PRKDC: variants seen among roughly 807,000 people sequenced by gnomAD.
PRKDC encodes the protein DNA-dependent protein kinase catalytic subunit.
PRKDC carries 82 observed loss-of-function variants against 486.9 expected under a neutral mutation model. The ratio of observed to expected loss-of-function variants is 0.17; its 90% CI spans 0.14 to 0.20. The LOEUF (loss-of-function observed/expected upper bound fraction) is 0.20, where lower values mean the gene tolerates loss of function less well. Among genes scored for constraint, PRKDC ranks in the 10% least tolerant of loss-of-function variants. The pLI is 1.00. For missense variants in PRKDC, 4,504 were observed against 5,038.2 expected (o/e 0.89, Z 3.21); for synonymous variants, 1,895 against 1,837.0 (o/e 1.03, Z -0.81).
chr8:47,792,583 A>G (rs527839178), intron 74 of PRKDC, among the ~76,000 whole-genome samples: 1 of 152,170 alleles, frequency 6.6e-6, no homozygotes, highest in South Asian at 2.1e-4. Flanking sequence ...TTTATTGTAC[A>G]TTTAAAAATA....
intron 71 of PRKDC, 37 bp downstream of exon 71, chr8:47,800,756 C>T (rs1270096119): frequency 6.5e-7 from 1 of 1,546,658 alleles, no homozygotes; most frequent in East Asian, 2.3e-5. Context: ...TGAAGACATA[C>T]ACAGCACACT....
Position 47,934,023 on chromosome 8 carries a change from G to T in PRKDC, c.1565C>A (p.Pro522His). The change falls in exon 15 of 86, where the codon CCC becomes CAC. Residue 522 changes from proline to histidine, a missense_variant. By Grantham distance (77) the Pro-to-His change is moderately conservative. Around this residue, in one of 6 missense-constraint regions of PRKDC, gnomAD observed 1,969 missense variants for 2,068.9 expected, o/e 0.95. Transcript: ENST00000314191. ...GEVRTGKWKV[P>H]TYKDYVDLFR... ...GAGATCCACGTAGTCTTTGTATGTG[G>T]GCACCTTCCATTTGCCAGTTCTGAC... is the stretch of plus-strand genomic sequence containing the variant. 6.2e-7 allele frequency: 1 copy of T among 1,613,652 alleles called. No individual in the cohort carries two copies. Among genetic ancestry groups the T allele is most frequent in the Non-Finnish European group, 8.5e-7 (1 of 1,179,794 alleles).
At chr8:47,823,834 T>C (rs569453979) in intron 64 of PRKDC, 24 bp downstream of exon 64, 3 of 1,610,852 alleles carry the variant, frequency 1.9e-6, no homozygotes, top group Non-Finnish European at 2.5e-6. Flanking sequence ...GTAAATGTCA[T>C]ATTTTGCCAG....
chr8:47,950,625 GAAAAA>G (rs1208107553), intron 7 of PRKDC, among the ~76,000 whole-genome samples: 1 of 77,786 alleles, frequency 1.3e-5, no homozygotes, highest in African/African-American at 4.7e-5. Flanking sequence ...CAAGACTCCG[GAAAAA>G]AAAAAAAAAA....
chr8:47,823,576 C>T lies in PRKDC; in HGVS notation c.8922+282G>A, dbSNP rs192055296. Among the ~76,000 whole-genome samples the T allele has an allele frequency of 2.5e-3, 374 of 152,016 alleles. 2 individuals carry two copies. Among genetic ancestry groups the T allele is most frequent in the Non-Finnish European group, 4.6e-3 (310 of 67,982 alleles). On this transcript the variant is annotated intron_variant, in intron 64 of 85. Transcript: ENST00000314191. Reference sequence around the variant, plus strand: ...ACAGAAATGCAAGAACAGCCTAATACAATTTCTTTATAATTTTTTTTTTTA... The same window carrying T: ...ACAGAAATGCAAGAACAGCCTAATATAATTTCTTTATAATTTTTTTTTTTA...
At chr8:47,886,243 G>A (rs1373019240) in intron 35 of PRKDC, 96 bp from the exon 36 acceptor site, 1 of 1,009,630 alleles carries the variant, frequency 9.9e-7, no homozygotes, top group Non-Finnish European at 1.4e-6. Flanking sequence ...ATTGGAAAAT[G>A]ACACAGGTCT....
Position 47,948,523 on chromosome 8 carries a change from G to A in PRKDC, c.722-4494C>T, listed in dbSNP as rs1303220784. Among the ~76,000 whole-genome samples the A allele has an allele frequency of 2.7e-5, 4 of 147,562 alleles. No individual in the cohort carries two copies. The East Asian group carries it at 6.0e-4, about 22-fold the overall frequency. On this transcript the variant is annotated intron_variant, in intron 7 of 85. Coordinates refer to ENST00000314191, the MANE Select transcript of PRKDC (RefSeq NM_006904.7). The stretch of plus-strand genomic sequence containing the variant: ...CGCCCAGGCTGGAGTGCAATGGCGC[G>A]ATCTCAGCTCACTGCAACCTCCGCC...
At position 47,902,495 on chromosome 8, in the gene PRKDC, G is replaced by A. The variant is rs533745828; in HGVS notation, c.3269+74C>T. The A allele has an allele frequency of 1.3e-4, 135 of 1,037,468 alleles. 1 individual carries two copies. The South Asian group carries it at 2.7e-3, about 21-fold the overall frequency. The allele number at this position is 1,037,468 out of a possible 1,614,324, so 64.3% of individuals were successfully genotyped here. ...ACTAAATGCAGGAAATATGACACAC[G>A]GATACACAGAGTGAAACTCCAAGTC... On this transcript the variant is annotated intron_variant, in intron 27 of 85. Coordinates refer to ENST00000314191, the MANE Select transcript of PRKDC (RefSeq NM_006904.7).
chr8:47,940,562 A>G (rs774766511), intron 10 of PRKDC, among the ~76,000 whole-genome samples: 54 of 152,354 alleles, frequency 3.5e-4, no homozygotes, highest in Middle Eastern at 6.8e-3. Flanking sequence ...GAAACATTGT[A>G]TATACTGTTT....
rs2154499225 is a variant in PRKDC, at chr8:47,826,795, C to T, written c.8644G>A (p.Ala2882Thr). 3 of 1,608,640 alleles carry T rather than the reference C, an allele frequency of 1.9e-6. No homozygotes were observed. Among genetic ancestry groups the T allele is most frequent in the Non-Finnish European group, 2.5e-6 (3 of 1,177,698 alleles). ...ATGCCCACGGGCTGCTGTAGGCTGG[C>T]CAGGCAACCAGCGCTAACAGCCGCT... ...DPAAVSAGCL[A>T]SLQQPVGIRL... Residue 2882 changes from alanine to threonine, a missense_variant, in exon 63 of 86, where the codon GCC becomes ACC. Physicochemically the swap from Ala to Thr is moderately conservative, Grantham distance 58 (BLOSUM62 0). Around this residue, in one of 6 missense-constraint regions of PRKDC, gnomAD observed 1,592 missense variants for 1,724.6 expected, o/e 0.92. Transcript: ENST00000314191.
intron 58 of PRKDC, 49 bp from the exon 59 acceptor site, chr8:47,834,445 G>A (rs1031725599): frequency 1.9e-6 from 3 of 1,591,712 alleles, no homozygotes; most frequent in East Asian, 2.2e-5. Flanking sequence ...ACCCAGCTCT[G>A]TGCACGGGGC....
At position 47,773,943 on chromosome 8, in the gene PRKDC, C is replaced by T; in HGVS notation, c.*230G>A. On this transcript the variant is annotated 3_prime_UTR_variant, in exon 86 of 86. Transcript: ENST00000314191. ...TACTTTGGTAAGCCTGGATATCTAT[C>T]TTTCTATAAACCTCACCTAATCTTT... The T allele has an allele frequency of 2.2e-6, 1 of 447,248 alleles. No individual in the cohort carries two copies. Among genetic ancestry groups the T allele is most frequent in the Non-Finnish European group, 3.9e-6 (1 of 254,628 alleles). The allele number at this position is 447,248 out of a possible 1,614,324, so 27.7% of individuals were successfully genotyped here.
chr8:47,948,461 T>C (rs1306011536), intron 7 of PRKDC, among the ~76,000 whole-genome samples: 1 of 132,504 alleles, frequency 7.5e-6, no homozygotes, highest in East Asian at 2.2e-4. Context: ...GGGTGCCTTG[T>C]TTTTTTTTTT....
intron 7 of PRKDC, among the ~76,000 whole-genome samples, chr8:47,949,965 T>C: frequency 6.6e-6 from 1 of 152,222 alleles, no homozygotes; most frequent in Non-Finnish European, 1.5e-5. Context: ...ATTTGGTAAT[T>C]ACTTGAAGAT....
At position 47,777,792 on chromosome 8, in the gene PRKDC, A is replaced by G. The variant is rs1361441435; in HGVS notation, c.11936T>C (p.Leu3979Pro). Residue 3979 changes from leucine to proline, a missense_variant, in exon 84 of 86, where the codon CTT (leucine) becomes CCT (proline). Coordinates refer to ENST00000314191, the MANE Select transcript of PRKDC (RefSeq NM_006904.7). The stretch of plus-strand genomic sequence containing the variant: ...TGCGTGTACCATGATGCTGTACATA[A>G]GGCCCGTTTCTTTCATTGGTAACAT... ...NLMLPMKETGLMYSIMVHALR... is the reference protein window; with the variant it reads ...NLMLPMKETGPMYSIMVHALR... 3 of 1,614,016 alleles carry G rather than the reference A, an allele frequency of 1.9e-6. No individual in the cohort carries two copies. In the South Asian group the frequency reaches 3.3e-5, roughly 18 times the overall value.
chr8:47,775,287 G>A (rs1036666670), intron 85 of PRKDC, among the ~76,000 whole-genome samples: 1 of 150,720 alleles, frequency 6.6e-6, no homozygotes, highest in Admixed American at 6.6e-5. Context: ...GACTAGTGAC[G>A]TTGAGCATTT....
intron 61 of PRKDC, among the ~76,000 whole-genome samples, chr8:47,829,278 A>G (rs1296555155): frequency 6.6e-6 from 1 of 152,196 alleles, no homozygotes; most frequent in Admixed American, 6.6e-5. Flanking sequence ...AATTATGTTT[A>G]CAATATAATG....
At chr8:47,942,584 C>T (rs1483672013) in intron 10 of PRKDC, among the ~76,000 whole-genome samples, 1 of 152,158 alleles carries the variant, frequency 6.6e-6, no homozygotes, top group Admixed American at 6.5e-5. Flanking sequence ...ACAGCAGGGC[C>T]CCTAAGAAAA....
chr8:47,879,455 G>C, intron 39 of PRKDC, 36 bp downstream of exon 39: 1 of 1,474,482 alleles, frequency 6.8e-7, no homozygotes, highest in Non-Finnish European at 9.1e-7. Context: ...AAAAAAAACA[G>C]TGTTTTAATT....
Sources: gnomAD v4.1 joint callset for allele counts (sites outside exome capture counted in the v4.1 genomes callset) on GRCh38, gnomAD v4.1.1 for gene constraint, gnomAD v4.1.1 regional missense constraint, MANE v1.5 for transcripts, NCBI Gene and HGNC (gene_info 2026-07-23, HGNC 2026-07-21) for gene names.